The following DAB1 variants were observed in gnomAD, a reference collection of about 807,000 sequenced individuals.
The protein encoded by DAB1 is DAB adaptor protein 1, also known as disabled homolog 1.
DAB1 carries 15 observed loss-of-function variants against 64.6 expected under a neutral mutation model. The observed-to-expected ratio is 0.23, with a 90% CI of 0.16 to 0.36. The LOEUF (loss-of-function observed/expected upper bound fraction) is 0.36, where lower values mean the gene tolerates loss of function less well. Among genes scored for constraint, DAB1 ranks in the 10% least tolerant of loss-of-function variants. The pLI is 1.00. For missense variants in DAB1, 596 were observed against 706.7 expected (o/e 0.84, Z 1.78); for synonymous variants, 235 against 251.9 (o/e 0.93, Z 0.64).
chr1:57,153,392 C>T (rs1029793793), intron 2 of DAB1, among the ~76,000 whole-genome samples: 3 of 152,104 alleles, frequency 2.0e-5, no homozygotes, highest in African/African-American at 7.2e-5. Flanking sequence ...CATAAATAGA[C>T]ATCTTATATT....
At chr1:58,183,147 G>T (rs1050765574) in intron 4 of DAB1, among the ~76,000 whole-genome samples, 1 of 151,992 alleles carries the variant, frequency 6.6e-6, no homozygotes, top group Non-Finnish European at 1.5e-5. Context: ...ATGTTGAGTG[G>T]TCAGAGGCAG....
chr1:58,431,892 C>T (rs1187602612), intron 3 of DAB1, among the ~76,000 whole-genome samples: 3 of 152,156 alleles, frequency 2.0e-5, no homozygotes, highest in African/African-American at 7.2e-5. Context: ...AGGCTGAGAA[C>T]TCAGAGGAAA....
At chr1:57,903,216 A>C (rs1644501855) in intron 5 of DAB1, among the ~76,000 whole-genome samples, 1 of 152,174 alleles carries the variant, frequency 6.6e-6, no homozygotes, top group Non-Finnish European at 1.5e-5. Context: ...TTGGGTGGGG[A>C]CACAGCCAAA....
intron 4 of DAB1, among the ~76,000 whole-genome samples, chr1:58,203,717 T>C (rs1570479754): frequency 6.6e-6 from 1 of 152,202 alleles, no homozygotes; most frequent in African/African-American, 2.4e-5. Context: ...TGAGAACTAC[T>C]GCTATGTCAT....
intron 3 of DAB1, among the ~76,000 whole-genome samples, chr1:58,439,603 T>C (rs751422417): frequency 1.3e-5 from 2 of 152,200 alleles, no homozygotes; most frequent in African/African-American, 4.8e-5. Context: ...GCATTTTACA[T>C]GCTATTTATT....
chr1:58,403,369 ATAAAG>A (rs1644589589), intron 3 of DAB1, among the ~76,000 whole-genome samples: 1 of 152,148 alleles, frequency 6.6e-6, no homozygotes, highest in African/African-American at 2.4e-5. Flanking sequence ...AAAAAAGAAA[ATAAAG>A]TAAGTATAAT....
chr1:57,512,845 T>G (rs987813995), intron 7 of DAB1, among the ~76,000 whole-genome samples: 1 of 152,142 alleles, frequency 6.6e-6, no homozygotes, highest in African/African-American at 2.4e-5. Context: ...ACAGGCATCA[T>G]GAGAGGAAGG....
intron 7 of DAB1, among the ~76,000 whole-genome samples, chr1:57,570,513 T>G (rs906369557): frequency 6.6e-6 from 1 of 152,136 alleles, no homozygotes; most frequent in African/African-American, 2.4e-5. Context: ...CTGGGTTCTC[T>G]TTCTGTTCCA....
At chr1:58,207,793 A>G (rs1658355450) in intron 4 of DAB1, among the ~76,000 whole-genome samples, 1 of 148,742 alleles carries the variant, frequency 6.7e-6, no homozygotes. Context: ...ATATTTCATG[A>G]AAAAAAATGC....
At chr1:58,520,038 T>C (rs1377716674) in intron 2 of DAB1, among the ~76,000 whole-genome samples, 1 of 151,974 alleles carries the variant, frequency 6.6e-6, no homozygotes, top group African/African-American at 2.4e-5. Flanking sequence ...AAGGGGGAGC[T>C]AAACATTGAC....
chr1:57,372,514 C>A (rs913035138), intron 1 of DAB1, among the ~76,000 whole-genome samples: 1 of 152,134 alleles, frequency 6.6e-6, no homozygotes, highest in African/African-American at 2.4e-5. Flanking sequence ...ATGATTGAGG[C>A]CCAACTCATA....
At chr1:57,412,048 C>A (rs753806019) in intron 1 of DAB1, among the ~76,000 whole-genome samples, 1 of 152,150 alleles carries the variant, frequency 6.6e-6, no homozygotes, top group Non-Finnish European at 1.5e-5. Context: ...ATGCTTCAAG[C>A]GTTTTCATTA....
intron 5 of DAB1, among the ~76,000 whole-genome samples, chr1:57,968,074 C>A (rs570238439): frequency 6.6e-6 from 1 of 152,160 alleles, no homozygotes; most frequent in Non-Finnish European, 1.5e-5. Context: ...TCAGCAGATG[C>A]CGAAATATTG....
At chr1:57,170,830 G>A (rs76968709) in intron 2 of DAB1, among the ~76,000 whole-genome samples, 144 of 152,244 alleles carry the variant, frequency 9.5e-4, no homozygotes, top group Non-Finnish European at 1.5e-3. Flanking sequence ...ACTCTTGCTC[G>A]CGGTATCTGC....
rs1005366801 is a variant in DAB1 at position 57,071,657 on chromosome 1, G to T, written c.439-16C>A. On this transcript the variant is annotated splice_polypyrimidine_tract_variant and intron_variant, in intron 5 of 14. Coordinates refer to ENST00000371236, the MANE Select transcript of DAB1 (RefSeq NM_001365792.1). ...CAGGTTCAGCCTGGGATGAAAGGTA[G>T]TAAGGCACATCATAAGGGAATGGTA... is the stretch of plus-strand genomic sequence containing the variant. The T allele has an allele frequency of 1.2e-6, 2 of 1,611,494 alleles. No homozygotes were observed. Among genetic ancestry groups the T allele is most frequent in the Non-Finnish European group, 1.7e-6 (2 of 1,179,586 alleles).
chr1:57,385,860 A>T (rs1681769685), intron 1 of DAB1, among the ~76,000 whole-genome samples: 1 of 152,184 alleles, frequency 6.6e-6, no homozygotes, highest in African/African-American at 2.4e-5. Flanking sequence ...CATTTTGCTT[A>T]CAAAGGAATG....
At chr1:58,043,552 C>T (rs1425258816) in intron 5 of DAB1, among the ~76,000 whole-genome samples, 1 of 152,242 alleles carries the variant, frequency 6.6e-6, no homozygotes, top group Non-Finnish European at 1.5e-5. Context: ...GATGTCCTCA[C>T]AGTCACTCCT....
intron 7 of DAB1, among the ~76,000 whole-genome samples, chr1:57,449,291 G>C (rs555092119): frequency 1.3e-5 from 2 of 151,582 alleles, no homozygotes; most frequent in Non-Finnish European, 2.9e-5. Flanking sequence ...AAAAAACAAA[G>C]AAACTCTGGG....
chr1:58,076,857 T>A (rs1570320373), intron 5 of DAB1, among the ~76,000 whole-genome samples: 1 of 151,418 alleles, frequency 6.6e-6, no homozygotes, highest in Non-Finnish European at 1.5e-5. Flanking sequence ...CAGGGAGAGG[T>A]CAGATGGCCA....
Sources: gnomAD v4.1 joint callset for allele counts (sites outside exome capture counted in the v4.1 genomes callset) on GRCh38, gnomAD v4.1.1 for gene constraint, MANE v1.5 for transcripts, NCBI Gene and HGNC (gene_info 2026-07-23, HGNC 2026-07-21) for gene names.